IQCK: variants seen among roughly 807,000 people sequenced by gnomAD.
IQCK encodes the protein IQ domain-containing protein K.
IQCK carries 29 observed loss-of-function variants against 28.1 expected under a neutral mutation model. The ratio of observed to expected loss-of-function variants is 1.03; its 90% CI spans 0.77 to 1.41. IQCK has a LOEUF of 1.41. Ranked by LOEUF, IQCK falls within the 40% of genes most tolerant of loss-of-function variation. The pLI is 0.00. For synonymous variants in IQCK, 113 were observed against 115.1 expected (o/e 0.98, Z 0.12); for missense variants, 359 against 314.7 (o/e 1.14, Z -1.07).
chr16:19,764,162 G>A lies in IQCK; in HGVS notation c.605+50G>A, dbSNP rs201108051. 4.7e-5 allele frequency: 67 copies of A among 1,419,454 alleles called. No homozygotes were observed. The East Asian group carries it at 1.5e-3, about 32-fold the overall frequency. The allele number at this position is 1,419,454 out of a possible 1,614,324, so 87.9% of individuals were successfully genotyped here. A position where few individuals can be genotyped will look rare whatever the true frequency, so the allele number is the denominator to read the frequency against. ...TAATTTATTCCTAATTTAAGATTGT[G>A]TTAATAATACTTTTCTTCCATCTAA... On this transcript the variant is annotated intron_variant, in intron 6 of 7. Transcript: ENST00000564186.
chr16:19,807,868 C>T (rs1386882611), intron 7 of IQCK, among the ~76,000 whole-genome samples: 1 of 152,184 alleles, frequency 6.6e-6, no homozygotes, highest in African/African-American at 2.4e-5. Context: ...TAAGTATTAG[C>T]TCTGTATTGG....
At chr16:19,744,575 C>T (rs1476202698) in intron 4 of IQCK, among the ~76,000 whole-genome samples, 1 of 152,186 alleles carries the variant, frequency 6.6e-6, no homozygotes, top group Non-Finnish European at 1.5e-5. Context: ...TGAATTATCT[C>T]AGCCTGAGAG....
chr16:19,820,493 C>CA (rs1204594140), intron 7 of IQCK, among the ~76,000 whole-genome samples: 1 of 151,914 alleles, frequency 6.6e-6, no homozygotes, highest in Non-Finnish European at 1.5e-5. Context: ...ACTAAAAATA[C>CA]AAAAAATTAG....
chr16:19,826,776 A>G (rs2056155182), intron 7 of IQCK, among the ~76,000 whole-genome samples: 1 of 152,234 alleles, frequency 6.6e-6, no homozygotes. Context: ...TGGCTGCATT[A>G]TCTTTCTATT....
At position 19,783,440 on chromosome 16, in the gene IQCK, G is replaced by A. The variant is rs148203525; in HGVS notation, c.606-5398G>A. Among the ~76,000 whole-genome samples, 582 of 152,214 alleles carry A rather than the reference G, an allele frequency of 3.8e-3. 3 individuals carry two copies. Among genetic ancestry groups the A allele is most frequent in the African/African-American group, 0.013 (534 of 41,508 alleles). ...CGTGCCCGTCTGAACATGCAAAAAC[G>A]TCTGCTTTGGGGATGTCTGATTTAA... is the stretch of plus-strand genomic sequence containing the variant. On this transcript the variant is annotated intron_variant, in intron 6 of 7. Transcript: ENST00000564186.
At chr16:19,853,790 C>T (rs988118763) in intron 9 of IQCK, among the ~76,000 whole-genome samples, 4 of 152,188 alleles carry the variant, frequency 2.6e-5, no homozygotes, top group African/African-American at 9.7e-5. Flanking sequence ...CCACCACGCC[C>T]AGCTAATTTT....
chr16:19,781,522 A>G (rs2055483931), intron 6 of IQCK, among the ~76,000 whole-genome samples: 1 of 152,206 alleles, frequency 6.6e-6, no homozygotes, highest in Non-Finnish European at 1.5e-5. Context: ...GCTTTAGGCT[A>G]CAGAGAGTAA....
At chr16:19,837,542 C>G (rs1215454408) in intron 9 of IQCK, among the ~76,000 whole-genome samples, 1 of 152,166 alleles carries the variant, frequency 6.6e-6, no homozygotes, top group East Asian at 1.9e-4. Flanking sequence ...CAATTAGGAT[C>G]TGTCACAAAG....
At chr16:19,727,697 A>G (rs1424252524) in intron 1 of IQCK, among the ~76,000 whole-genome samples, 1 of 152,062 alleles carries the variant, frequency 6.6e-6, no homozygotes, top group Admixed American at 6.6e-5. Context: ...AGACATCCCT[A>G]TGTTATTTGA....
Position 19,718,564 on chromosome 16 carries a change from T to G in IQCK, c.181+77T>G, listed in dbSNP as rs1449610008. On this transcript the variant is annotated intron_variant, in intron 1 of 7. Coordinates refer to ENST00000564186, the Ensembl canonical transcript of IQCK. ...GGCCGCGTTTGGGGAGCGCCCACTG[T>G]GCGCCTGTCGGCTGACGGGCGGGGC... 4.5e-6 allele frequency: 6 copies of G among 1,336,138 alleles called. No individual in the cohort carries two copies. In the African/African-American group the frequency reaches 7.7e-5, roughly 17 times the overall value. The allele number at this position is 1,336,138 out of a possible 1,614,324, so 82.8% of individuals were successfully genotyped here. A position where few individuals can be genotyped will look rare whatever the true frequency, so the allele number is the denominator to read the frequency against.
intron 4 of IQCK, among the ~76,000 whole-genome samples, chr16:19,760,695 G>A (rs2151706757): frequency 6.6e-6 from 1 of 152,210 alleles, no homozygotes; most frequent in South Asian, 2.1e-4. Context: ...TATGGGAAAG[G>A]GGTCCTGATC....
intron 2 of IQCK, among the ~76,000 whole-genome samples, chr16:19,731,109 A>G (rs539949619): frequency 3.9e-5 from 6 of 152,248 alleles, no homozygotes; most frequent in African/African-American, 1.4e-4. Context: ...CCTGGATGAG[A>G]AGAGCCTTTG....
chr16:19,829,652 G>A (rs2056203785), downstream of IQCK, among the ~76,000 whole-genome samples: 1 of 152,068 alleles, frequency 6.6e-6, no homozygotes, highest in South Asian at 2.1e-4. Flanking sequence ...CCAGGATGGA[G>A]AACCTAAGGA....
At chr16:19,795,025 AC>A (rs1296484588) in intron 7 of IQCK, among the ~76,000 whole-genome samples, 1 of 89,042 alleles carries the variant, frequency 1.1e-5, no homozygotes, top group Admixed American at 1.0e-4. Flanking sequence ...ACATGGTGAA[AC>A]CCCATCACTA....
intron 6 of IQCK, chr16:19,765,836 A>G (rs1339394315): frequency 6.6e-6 from 1 of 152,140 alleles, no homozygotes; most frequent in Non-Finnish European, 1.5e-5. Context: ...AGCTTCTTTG[A>G]GTATCATTCT....
At chr16:19,727,146 AAG>A (rs1977681889) in intron 1 of IQCK, among the ~76,000 whole-genome samples, 2 of 149,948 alleles carry the variant, frequency 1.3e-5, no homozygotes, top group South Asian at 4.2e-4. Context: ...AAAAAAAAGA[AAG>A]AAAGAAAAGA....
chr16:19,822,436 G>T (rs2056087912), intron 7 of IQCK, among the ~76,000 whole-genome samples: 1 of 150,724 alleles, frequency 6.6e-6, no homozygotes, highest in African/African-American at 2.4e-5. Context: ...AGTGATGAAT[G>T]GATAAAAATA....
At chr16:19,758,935 C>G (rs2055092236) in intron 4 of IQCK, among the ~76,000 whole-genome samples, 1 of 151,976 alleles carries the variant, frequency 6.6e-6, no homozygotes, top group Admixed American at 6.6e-5. Flanking sequence ...TCAACCTTAT[C>G]TTGAATTATA....
At chr16:19,827,917 CT>C (rs879855746), downstream of IQCK, among the ~76,000 whole-genome samples, 109 of 146,038 alleles carry the variant, frequency 7.5e-4, no homozygotes, top group Non-Finnish European at 7.0e-4. Context: ...CCGATATCTT[CT>C]TTTTTTTTTT....
Sources: allele counts gnomAD v4.1 joint callset (sites outside exome capture counted in the v4.1 genomes callset), GRCh38; gene constraint gnomAD v4.1.1; transcripts MANE v1.5; gene names NCBI Gene and HGNC (gene_info 2026-07-23, HGNC 2026-07-21).